The following WDR88 variants were observed in gnomAD, a reference collection of about 807,000 sequenced individuals.
The protein encoded by WDR88 is WD repeat-containing protein 88.
Under a neutral mutation model 46.8 loss-of-function variants are expected in WDR88, and 40 were observed. That is an observed-to-expected ratio of 0.86 (90% CI 0.66 to 1.11). The LOEUF is 1.11. Among genes scored for constraint, WDR88 ranks in the 50% most tolerant of loss-of-function variants. WDR88 has a pLI of 0.00. For missense variants in WDR88, 562 were observed against 602.4 expected (o/e 0.93, Z 0.70); for synonymous variants, 235 against 240.7 (o/e 0.98, Z 0.22).
At chr19:33,156,607 C>A in intron 7 of WDR88, 65 bp downstream of exon 7, 1 of 1,521,466 alleles carries the variant, frequency 6.6e-7, no homozygotes, top group South Asian at 1.3e-5. Context: ...TCTCCATGTT[C>A]CGTTCAAATG....
At chr19:33,147,602 CA>C (rs762362821) in intron 3 of WDR88, 42 bp from the exon 4 acceptor site, 49 of 1,587,920 alleles carry the variant, frequency 3.1e-5, no homozygotes, top group Admixed American at 5.1e-5. Flanking sequence ...CACCCTGTCT[CA>C]AAAAAAAGAA....
chr19:33,132,259 C>T lies in WDR88; in HGVS notation c.90C>T (p.Pro30=), dbSNP rs769902387. 2.5e-6 allele frequency: 4 copies of T among 1,613,098 alleles called. No individual in the cohort carries two copies. The African/African-American group carries it at 4.0e-5, about 16-fold the overall frequency. ...CCGCCCCCGCCAGCGAGTATTGTCC[C>T]GGCAAGCTGTCCTGGGGGACCATGG... ...PPSAPASEYC[P]GKLSWGTMAR... is the part of the protein sequence containing the mutation. Residue 30 remains proline, a synonymous_variant, in exon 1 of 11, where the codon CCC becomes CCT. Transcript: ENST00000355868.
At chr19:33,146,153 C>G (rs994410155) in intron 3 of WDR88, among the ~76,000 whole-genome samples, 1 of 152,044 alleles carries the variant, frequency 6.6e-6, no homozygotes, top group Non-Finnish European at 1.5e-5. Context: ...CAAAATTAGT[C>G]GGGCGTAGTG....
rs933725056 is a variant in WDR88 at position 33,173,733 on chromosome 19, C to T, written c.1242+1293C>T. Reference sequence around the variant, plus strand: ...GAGCAGTGATGGCCCTTGTTTTTCACTGGCCACCTAGGGCAAGGCCTGGGA... The same window carrying T: ...GAGCAGTGATGGCCCTTGTTTTTCATTGGCCACCTAGGGCAAGGCCTGGGA... On this transcript the variant is annotated intron_variant, in intron 10 of 10. Transcript: ENST00000355868. Among the ~76,000 whole-genome samples the T allele has an allele frequency of 3.3e-5, 5 of 152,374 alleles. No homozygotes were observed. The East Asian group carries it at 9.7e-4, about 29-fold the overall frequency.
intron 9 of WDR88, among the ~76,000 whole-genome samples, chr19:33,166,880 C>T (rs767879447): frequency 5.4e-4 from 82 of 152,250 alleles, no homozygotes; most frequent in Non-Finnish European, 8.4e-4. Context: ...CATGCCACTA[C>T]ATTCTATCCT....
intron 6 of WDR88, 26 bp from the exon 7 acceptor site, chr19:33,156,329 T>G (rs772735237): frequency 1.2e-6 from 2 of 1,610,528 alleles, no homozygotes; most frequent in East Asian, 2.2e-5. Context: ...AGCGCTAATG[T>G]GTGCACCCCA....
intron 9 of WDR88, 121 bp from the exon 10 acceptor site, chr19:33,172,227 T>C (rs557776301): frequency 9.1e-5 from 72 of 789,098 alleles, no homozygotes; most frequent in Admixed American, 1.6e-4. Flanking sequence ...ACAATGTGCA[T>C]TGAAGGTTCC....
At chr19:33,164,406 GAAT>G in intron 9 of WDR88, 141 bp downstream of exon 9, 2 of 737,888 alleles carry the variant, frequency 2.7e-6, no homozygotes, top group Admixed American at 4.3e-5. Context: ...AGCTGCCTGG[GAAT>G]GTGGACAGCA....
intron 6 of WDR88, among the ~76,000 whole-genome samples, chr19:33,155,690 C>T (rs1026807913): frequency 1.3e-5 from 2 of 152,192 alleles, no homozygotes; most frequent in Non-Finnish European, 2.9e-5. Context: ...GTCTGTCAAT[C>T]AATCACTCCT....
intron 2 of WDR88, among the ~76,000 whole-genome samples, chr19:33,143,813 G>A (rs1405592595): frequency 1.3e-5 from 2 of 151,902 alleles, no homozygotes; most frequent in East Asian, 1.9e-4. Context: ...TCTTCTCCAC[G>A]AACATCCACA....
At chr19:33,151,865 G>T (rs559574325) in intron 6 of WDR88, among the ~76,000 whole-genome samples, 2 of 152,080 alleles carry the variant, frequency 1.3e-5, no homozygotes, top group Non-Finnish European at 2.9e-5. Flanking sequence ...GGACAATGAA[G>T]TAAGACCCTG....
intron 9 of WDR88, among the ~76,000 whole-genome samples, chr19:33,168,585 T>C (rs764234347): frequency 8.5e-5 from 13 of 152,148 alleles, no homozygotes; most frequent in Non-Finnish European, 1.5e-4. Flanking sequence ...CAATTAATAC[T>C]ATAAAGTATT....
intron 7 of WDR88, among the ~76,000 whole-genome samples, chr19:33,157,446 C>A (rs1416502991): frequency 2.1e-5 from 3 of 144,272 alleles, no homozygotes; most frequent in Non-Finnish European, 4.5e-5. Flanking sequence ...TGCAGTGAGC[C>A]AAGATTGCAC....
At chr19:33,174,175 A>C (rs1004260817) in intron 10 of WDR88, 2 of 1,535,942 alleles carry the variant, frequency 1.3e-6, no homozygotes, top group South Asian at 2.4e-5. Context: ...TATTTCTTGC[A>C]AAAAAGGAAA....
intron 1 of WDR88, among the ~76,000 whole-genome samples, chr19:33,136,874 G>C (rs1042148706): frequency 6.6e-6 from 1 of 151,852 alleles, no homozygotes; most frequent in Admixed American, 6.6e-5. Context: ...ACCACATCCC[G>C]CCCTTGCATA....
chr19:33,145,968 T>TA (rs780833099), intron 3 of WDR88, among the ~76,000 whole-genome samples: 3 of 152,178 alleles, frequency 2.0e-5, no homozygotes, highest in Non-Finnish European at 2.9e-5. Context: ...TATATCCCTG[T>TA]GAAAAGACAG....
rs1256842277 is a variant in WDR88, at chr19:33,132,186, G to A, written c.17G>A (p.Arg6Gln). 1 of 1,597,292 alleles carries A rather than the reference G, an allele frequency of 6.3e-7. No individual in the cohort carries two copies. The highest frequency in any genetic ancestry group is 1.3e-5 in the African/African-American group (1 of 74,850). Reference protein sequence around the residue: MASPPRCSPTAHDREC... With the variant: MASPPQCSPTAHDREC... ...GGCTTCGAGATGGCCTCCCCGCCGC[G>A]GTGCTCCCCGACAGCCCATGACAGG... is the stretch of plus-strand genomic sequence containing the variant. The change falls in exon 1 of 11, where the codon CGG becomes CAG. Residue 6 changes from arginine (R) to glutamine (Q), a missense_variant. Physicochemically the swap from Arg to Gln is conservative, Grantham distance 43 (BLOSUM62 1). Coordinates refer to ENST00000355868, the MANE Select transcript of WDR88 (RefSeq NM_173479.4).
intron 10 of WDR88, chr19:33,174,996 C>T (rs1974099528): frequency 1.0e-6 from 1 of 985,096 alleles, no homozygotes; most frequent in African/African-American, 1.7e-5. Context: ...GCACTCTGGG[C>T]TGCCAAGGTG....
At chr19:33,157,430 G>A (rs1973757415) in intron 7 of WDR88, among the ~76,000 whole-genome samples, 2 of 144,844 alleles carry the variant, frequency 1.4e-5, no homozygotes, top group South Asian at 4.4e-4. Flanking sequence ...CCCGGGAGGC[G>A]GAGGCTGCAG....
Sources: gnomAD v4.1 joint callset for allele counts (sites outside exome capture counted in the v4.1 genomes callset) on GRCh38, gnomAD v4.1.1 for gene constraint, MANE v1.5 for transcripts, NCBI Gene and HGNC (gene_info 2026-07-23, HGNC 2026-07-21) for gene names.